Variants in AGO2 observed in about 807,000 individuals in gnomAD.
AGO2 encodes the protein protein argonaute-2.
Under a neutral mutation model 102.3 loss-of-function variants are expected in AGO2, and 5 were observed. The ratio of observed to expected loss-of-function variants is 0.05; its 90% CI spans 0.03 to 0.10. AGO2 has a LOEUF of 0.10. Ranked by LOEUF, AGO2 falls within the 10% of genes least tolerant of loss-of-function variation. AGO2 has a pLI of 1.00. For synonymous variants in AGO2, 449 were observed against 473.1 expected (o/e 0.95, Z 0.66); for missense variants, 541 against 1,183.7 (o/e 0.46, Z 7.97).
Position 140,617,672 on chromosome 8 carries a change from C to G in AGO2, c.22+17813G>C, listed in dbSNP as rs879711501. On this transcript the variant is annotated intron_variant, in intron 1 of 18. Coordinates refer to ENST00000220592, the MANE Select transcript of AGO2 (RefSeq NM_012154.5). ...AGCCACCCGTGGGCGTGACCCTGTC[C>G]CACAGGAGCCCACCCTCTGATCTGT... Among the ~76,000 whole-genome samples, 53 of 152,300 alleles carry G rather than the reference C, an allele frequency of 3.5e-4. 1 individual carries two copies. Among genetic ancestry groups the G allele is most frequent in the Admixed American group, 1.9e-3 (29 of 15,292 alleles).
intron 1 of AGO2, among the ~76,000 whole-genome samples, chr8:140,613,409 T>C (rs1282977308): frequency 1.3e-5 from 2 of 152,232 alleles, no homozygotes; most frequent in African/African-American, 2.4e-5. Context: ...TAATGACATG[T>C]TGTTGTATCA....
intron 1 of AGO2, among the ~76,000 whole-genome samples, chr8:140,603,136 G>C (rs962918475): frequency 6.6e-6 from 1 of 152,214 alleles, no homozygotes; most frequent in Non-Finnish European, 1.5e-5. Context: ...CGGATGGTGC[G>C]GGTTGACTCA....
At chr8:140,537,321 C>A (rs1588436459) in intron 16 of AGO2, among the ~76,000 whole-genome samples, 1 of 143,772 alleles carries the variant, frequency 7.0e-6, no homozygotes, top group African/African-American at 2.5e-5. Context: ...TTCAGGGTTT[C>A]TTTTCTTTTT....
chr8:140,547,218 GATTCGAGGC>G (rs2072916677), intron 13 of AGO2, among the ~76,000 whole-genome samples: 1 of 152,226 alleles, frequency 6.6e-6, no homozygotes, highest in Non-Finnish European at 1.5e-5. Flanking sequence ...TGCCCACTGG[GATTCGAGGC>G]ACAAATTTCT....
intron 1 of AGO2, 21 bp from the exon 2 acceptor site, chr8:140,585,332 C>T (rs1375430891): frequency 3.1e-6 from 5 of 1,610,022 alleles, no homozygotes; most frequent in Middle Eastern, 1.9e-4. Context: ...AGAGAGAACA[C>T]CCATTAACGG....
rs1340093591 is a variant in AGO2, at chr8:140,553,551, A to T, written c.1270-2115T>A. Among the ~76,000 whole-genome samples, 3 of 151,844 alleles carry T rather than the reference A, an allele frequency of 2.0e-5. 1 individual carries two copies. The highest frequency in any genetic ancestry group is 4.4e-5 in the Non-Finnish European group (3 of 67,986). On this transcript the variant is annotated intron_variant, in intron 10 of 18. Coordinates refer to ENST00000220592, the MANE Select transcript of AGO2 (RefSeq NM_012154.5). ...CAGCCTCCCGAGTAGCTGGGATTACAGGCATAGGCCACCACACCCAGCTAA... is the reference window on the plus strand; with the variant it reads ...CAGCCTCCCGAGTAGCTGGGATTACTGGCATAGGCCACCACACCCAGCTAA...
Position 140,563,885 on chromosome 8 carries a change from G to C in AGO2, c.337-1251C>G, listed in dbSNP as rs911589689. On this transcript the variant is annotated intron_variant, in intron 3 of 18. Transcript: ENST00000220592. Reference sequence around the variant, plus strand: ...CCATCTGCTCATCCTTGTCGCCCAGGGCCTGGCCTCTTGCCACACCTTGTT... The same window carrying C: ...CCATCTGCTCATCCTTGTCGCCCAGCGCCTGGCCTCTTGCCACACCTTGTT... Among the ~76,000 whole-genome samples the C allele has an allele frequency of 5.9e-5, 9 of 152,182 alleles. No individual in the cohort carries two copies. In the East Asian group the frequency reaches 1.7e-3, roughly 29 times the overall value.
At chr8:140,543,834 C>T (rs562383306) in intron 14 of AGO2, among the ~76,000 whole-genome samples, 4 of 152,318 alleles carry the variant, frequency 2.6e-5, no homozygotes, top group South Asian at 2.1e-4. Flanking sequence ...AGAAGCAGCA[C>T]GGGCCTGTCT....
intron 10 of AGO2, among the ~76,000 whole-genome samples, chr8:140,552,410 G>A (rs1047235547): frequency 1.3e-5 from 2 of 152,248 alleles, no homozygotes; most frequent in African/African-American, 2.4e-5. Context: ...GAAGGGTCCC[G>A]TGTGGGAGGG....
chr8:140,636,932 A>T (rs2074414322), upstream of AGO2: 1 of 152,280 alleles, frequency 6.6e-6, no homozygotes, highest in Admixed American at 6.5e-5. Context: ...AAAAATTCCA[A>T]AACAGGCAAA....
At chr8:140,547,347 G>T in intron 13 of AGO2, 121 bp downstream of exon 13, 1 of 1,278,888 alleles carries the variant, frequency 7.8e-7, no homozygotes. Flanking sequence ...CTGTGGCCAG[G>T]ACGGTGCTGG....
At chr8:140,583,146 C>T (rs2073583389) in intron 2 of AGO2, among the ~76,000 whole-genome samples, 2 of 152,212 alleles carry the variant, frequency 1.3e-5, no homozygotes, top group Non-Finnish European at 2.9e-5. Context: ...CTGCCTCGGA[C>T]ATCAGAACTT....
chr8:140,590,875 C>T (rs1196805961), intron 1 of AGO2, among the ~76,000 whole-genome samples: 1 of 152,212 alleles, frequency 6.6e-6, no homozygotes, highest in South Asian at 2.1e-4. Flanking sequence ...ACAGATCCTG[C>T]TGCAGCCTCA....
At chr8:140,632,555 G>C (rs902838799) in intron 1 of AGO2, among the ~76,000 whole-genome samples, 1 of 152,204 alleles carries the variant, frequency 6.6e-6, no homozygotes, top group African/African-American at 2.4e-5. Context: ...TGTAACACAC[G>C]GGAGCTTGAA....
Position 140,563,310 on chromosome 8 carries a change from G to A in AGO2, c.337-676C>T, listed in dbSNP as rs973226686. Reference sequence around the variant, plus strand: ...CAGTGGTGCAGTATTGGCTCACTTCGACCTTGACCTCTTAGGCTCAAGGGA... The same window carrying A: ...CAGTGGTGCAGTATTGGCTCACTTCAACCTTGACCTCTTAGGCTCAAGGGA... On this transcript the variant is annotated intron_variant, in intron 3 of 18. Coordinates refer to ENST00000220592, the MANE Select transcript of AGO2 (RefSeq NM_012154.5). Among the ~76,000 whole-genome samples the A allele has an allele frequency of 7.9e-5, 12 of 152,134 alleles. No homozygotes were observed. The South Asian group carries it at 8.3e-4, about 10-fold the overall frequency.
At chr8:140,542,752 T>C (rs888995693) in intron 14 of AGO2, among the ~76,000 whole-genome samples, 1 of 152,158 alleles carries the variant, frequency 6.6e-6, no homozygotes, top group Non-Finnish European at 1.5e-5. Context: ...GGGGGTCCCC[T>C]CTGTGCCCTG....
At position 140,609,333 on chromosome 8, in the gene AGO2, C is replaced by T. The variant is rs899826339; in HGVS notation, c.23-24022G>A. On this transcript the variant is annotated intron_variant, in intron 1 of 18. Coordinates refer to ENST00000220592, the MANE Select transcript of AGO2 (RefSeq NM_012154.5). ...GCATCACACCCGGCAGAGCGGTGGGCGGGCAGTGGCCTGCCGGGTGGCCTG... is the reference window on the plus strand; with the variant it reads ...GCATCACACCCGGCAGAGCGGTGGGTGGGCAGTGGCCTGCCGGGTGGCCTG... 1.6e-4 allele frequency among the ~76,000 whole-genome samples: 25 copies of T among 152,232 alleles called. 1 individual carries two copies. The highest frequency in any genetic ancestry group is 1.1e-3 in the Admixed American group (17 of 15,288).
In AGO2 at chr8:140,527,623, T is replaced by G. The variant is rs1334913618; in HGVS notation, c.*4421A>C. On this transcript the variant is annotated 3_prime_UTR_variant, in exon 19 of 19. Coordinates refer to ENST00000220592, the MANE Select transcript of AGO2 (RefSeq NM_012154.5). This position sits in a 1 kb window ranked among gnomAD's most constrained non-coding sequence, Gnocchi z 6.0. ...GGCACGGCAGCTAGAGTGCAACTCC[T>G]CGGTCACTTTGGGGAAGGGCTTCAA... 6.6e-6 allele frequency: 1 copy of G among 152,452 alleles called. No homozygotes were observed. Among genetic ancestry groups the G allele is most frequent in the Admixed American group, 6.6e-5 (1 of 15,240 alleles). The allele number at this position is 152,452 out of a possible 1,614,324, so 9.4% of individuals were successfully genotyped here.
At chr8:140,533,135 A>G (rs1037303052) in intron 17 of AGO2, among the ~76,000 whole-genome samples, 4 of 152,076 alleles carry the variant, frequency 2.6e-5, no homozygotes, top group Admixed American at 2.0e-4. Flanking sequence ...CACACCTGTA[A>G]TCCCAGCACT....
Sources: allele counts gnomAD v4.1 joint callset (sites outside exome capture counted in the v4.1 genomes callset), GRCh38; gene constraint gnomAD v4.1.1; non-coding constraint Gnocchi (gnomAD v3.1); transcripts MANE v1.5; gene names NCBI Gene and HGNC (gene_info 2026-07-23, HGNC 2026-07-21).